The following MUCL1 variants were observed in gnomAD, a reference collection of about 807,000 sequenced individuals.
The protein encoded by MUCL1 is mucin-like protein 1.
MUCL1 carries 11 observed loss-of-function variants against 9.2 expected under a neutral mutation model. That is an observed-to-expected ratio of 1.19 (90% CI 0.75 to 1.97). The LOEUF is 1.97. MUCL1 is among the 30% of genes most tolerant of loss of function. The pLI, the probability that MUCL1 is intolerant of heterozygous loss-of-function variation, is 0.00. For synonymous variants in MUCL1, 48 were observed against 40.5 expected (o/e 1.19, Z -0.71); for missense variants, 144 against 110.9 (o/e 1.30, Z -1.34).
At chr12:54,855,515 GA>G in intron 2 of MUCL1, 3 of 238,826 alleles carry the variant, frequency 1.3e-5, no homozygotes, top group Non-Finnish European at 2.5e-5. Context: ...GTGTCAAAAA[GA>G]GACCAGTGGG....
chr12:54,855,892 C>A (rs768792224), intron 2 of MUCL1, among the ~76,000 whole-genome samples: 1 of 152,112 alleles, frequency 6.6e-6, no homozygotes, highest in African/African-American at 2.4e-5. Context: ...CATGTGAGGC[C>A]CCATTTAAAA....
chr12:54,845,259 A>G (rs1386802), intron 1 of MUCL1, among the ~76,000 whole-genome samples: 3 of 152,268 alleles, frequency 2.0e-5, no homozygotes, highest in Admixed American at 6.5e-5. Flanking sequence ...TCTCTGCCCA[A>G]TGCATATAGC....
At chr12:54,839,563 C>T (rs1163404795) in intron 1 of MUCL1, 1 of 693,968 alleles carries the variant, frequency 1.4e-6, no homozygotes, top group African/African-American at 1.8e-5. Context: ...AGGGAGCAAC[C>T]TCATCCTCCT....
At chr12:54,850,362 A>G (rs1042088433), upstream of MUCL1, among the ~76,000 whole-genome samples, 2 of 128,222 alleles carry the variant, frequency 1.6e-5, no homozygotes, top group Non-Finnish European at 3.1e-5. Flanking sequence ...TCCTGTGTCC[A>G]CGTGTTCTCA....
At chr12:54,840,356 T>G (rs1959204854) in intron 1 of MUCL1, among the ~76,000 whole-genome samples, 1 of 152,228 alleles carries the variant, frequency 6.6e-6, no homozygotes, top group Non-Finnish European at 1.5e-5. Context: ...GCCAGAGTGA[T>G]GCAGACAATG....
chr12:54,848,026 CT>C (rs35409980), intron 1 of MUCL1, among the ~76,000 whole-genome samples: 105,467 of 135,548 alleles, frequency 0.78, 41,194 homozygotes, highest in South Asian at 0.86. Flanking sequence ...CATCTCAATT[CT>C]TTTTTTTTTT....
intron 1 of MUCL1, among the ~76,000 whole-genome samples, chr12:54,841,977 T>C (rs887190601): frequency 6.6e-6 from 1 of 152,178 alleles, no homozygotes; most frequent in African/African-American, 2.4e-5. Flanking sequence ...GAGCAATTTC[T>C]GTAATTTTTC....
chr12:54,833,060 C>A (rs1260054476), intron 1 of MUCL1, among the ~76,000 whole-genome samples: 1 of 152,130 alleles, frequency 6.6e-6, no homozygotes, highest in South Asian at 2.1e-4. Context: ...GTTACTGTAA[C>A]TTTATATTAA....
At chr12:54,855,199 A>G in intron 2 of MUCL1, 42 bp downstream of exon 2, 1 of 1,583,224 alleles carries the variant, frequency 6.3e-7, no homozygotes, top group Non-Finnish European at 8.7e-7. Context: ...AGCAATAACC[A>G]TTTTTCACTT....
At chr12:54,834,774 G>A (rs766098480), upstream of MUCL1, among the ~76,000 whole-genome samples, 18 of 151,764 alleles carry the variant, frequency 1.2e-4, no homozygotes, top group Non-Finnish European at 2.4e-4. Flanking sequence ...TAATTTTGGG[G>A]GTAAAAGTGG....
upstream of MUCL1, among the ~76,000 whole-genome samples, chr12:54,851,758 C>A (rs906844746): frequency 6.6e-6 from 1 of 152,092 alleles, no homozygotes; most frequent in Non-Finnish European, 1.5e-5. Flanking sequence ...ATCTAGAAAA[C>A]CCCATCGTCT....
At chr12:54,851,530 C>T (rs886910438), upstream of MUCL1, among the ~76,000 whole-genome samples, 54 of 152,158 alleles carry the variant, frequency 3.5e-4, no homozygotes, top group Non-Finnish European at 5.6e-4. Flanking sequence ...GAGCTATCTA[C>T]GACAAACCCA....
At chr12:54,848,533 A>C (rs1208077693) in intron 1 of MUCL1, among the ~76,000 whole-genome samples, 1 of 152,188 alleles carries the variant, frequency 6.6e-6, no homozygotes, top group Non-Finnish European at 1.5e-5. Context: ...TAGATTGGAA[A>C]ACTTTTTTAT....
chr12:54,849,390 T>C (rs1341510676), intron 1 of MUCL1, among the ~76,000 whole-genome samples: 1 of 152,128 alleles, frequency 6.6e-6, no homozygotes, highest in Non-Finnish European at 1.5e-5. Context: ...AAATGGCAGT[T>C]ATCTCATTGT....
intron 1 of MUCL1, 46 bp downstream of exon 1, chr12:54,854,686 A>T (rs375678577): frequency 6.6e-7 from 1 of 1,520,730 alleles, no homozygotes; most frequent in Non-Finnish European, 9.1e-7. Flanking sequence ...GGGAATATAC[A>T]TAAAATATCT....
At chr12:54,848,978 T>G (rs947718685) in intron 1 of MUCL1, among the ~76,000 whole-genome samples, 1 of 152,122 alleles carries the variant, frequency 6.6e-6, no homozygotes, top group Non-Finnish European at 1.5e-5. Context: ...GATTTGATAA[T>G]AGCAAAAGAA....
chr12:54,855,740 T>A (rs900804703), intron 2 of MUCL1, among the ~76,000 whole-genome samples: 1 of 152,232 alleles, frequency 6.6e-6, no homozygotes, highest in Non-Finnish European at 1.5e-5. Context: ...TCCCAAAGTG[T>A]TCTTCACATT....
At chr12:54,855,567 T>C (rs1592250289) in intron 2 of MUCL1, 1 of 204,004 alleles carries the variant, frequency 4.9e-6, no homozygotes, top group East Asian at 1.1e-4. Context: ...TCCATTTGGA[T>C]CACAAGTGAG....
At chr12:54,853,373 C>T (rs952851124), upstream of MUCL1, among the ~76,000 whole-genome samples, 2 of 152,114 alleles carry the variant, frequency 1.3e-5, no homozygotes, top group Admixed American at 1.3e-4. Context: ...AGCAGCTTGG[C>T]TCCATTATGA....
Sources: gnomAD v4.1 joint callset for allele counts (sites outside exome capture counted in the v4.1 genomes callset) on GRCh38, gnomAD v4.1.1 for gene constraint, MANE v1.5 for transcripts, NCBI Gene and HGNC (gene_info 2026-07-23, HGNC 2026-07-21) for gene names.